Variants in NEMP2 observed in about 807,000 individuals in gnomAD.
NEMP2 encodes the protein nuclear envelope integral membrane protein 2.
In NEMP2, 53 loss-of-function variants were observed where a neutral mutation model predicts 54.2. The ratio of observed to expected loss-of-function variants is 0.98; its 90% CI spans 0.78 to 1.23. The LOEUF is 1.23. NEMP2 is among the 50% of genes most tolerant of loss of function. NEMP2 has a pLI of 0.00. For synonymous variants in NEMP2, 197 were observed against 190.3 expected (o/e 1.04, Z -0.29); for missense variants, 455 against 511.3 (o/e 0.89, Z 1.06).
In NEMP2 at chr2:190,523,337, C is replaced by G. The variant is rs192190708; in HGVS notation, c.213+1926G>C. Among the ~76,000 whole-genome samples the G allele has an allele frequency of 9.2e-5, 14 of 152,222 alleles. No individual in the cohort carries two copies. The East Asian group carries it at 1.9e-3, about 21-fold the overall frequency. Reference sequence around the variant, plus strand: ...TTTGTAATGGTATGACTTACCAATTCTGTAACTACTTTTAGTGTATTCTGG... The same window carrying G: ...TTTGTAATGGTATGACTTACCAATTGTGTAACTACTTTTAGTGTATTCTGG... On this transcript the variant is annotated intron_variant, in intron 2 of 8. Coordinates refer to ENST00000409150, the MANE Select transcript of NEMP2 (RefSeq NM_001142645.2). The surrounding 1 kb of genome is among the most constrained non-coding windows in gnomAD (Gnocchi z 5.3).
At chr2:190,595,037 T>C in the NEMP2 span, among the ~76,000 whole-genome samples, 1 of 152,248 alleles carries the variant, frequency 6.6e-6, no homozygotes, top group African/African-American at 2.4e-5. This position sits in a 1 kb window ranked among gnomAD's most constrained non-coding sequence, Gnocchi z 4.0. Context: ...AACAGAAAGC[T>C]TGCCGAGTAC....
chr2:190,534,305 G>A, intron 1 of NEMP2: 1 of 1,179,400 alleles, frequency 8.5e-7, no homozygotes, highest in Non-Finnish European at 1.0e-6. Flanking sequence ...GAGGGAATTG[G>A]GCGACTGGAT....
the NEMP2 span, among the ~76,000 whole-genome samples, chr2:190,565,209 A>G: frequency 6.6e-6 from 1 of 152,190 alleles, no homozygotes; most frequent in East Asian, 1.9e-4. Context: ...GAGCATCAGA[A>G]AAACCAAGCC....
chr2:190,451,081 C>T, the NEMP2 span, among the ~76,000 whole-genome samples: 2 of 152,138 alleles, frequency 1.3e-5, no homozygotes, highest in African/African-American at 2.4e-5. The surrounding 1 kb of genome is among the most constrained non-coding windows in gnomAD (Gnocchi z 5.0). Context: ...CTGGTAGGAT[C>T]GTTGAGTAGT....
At chr2:190,629,268 G>A in the NEMP2 span, among the ~76,000 whole-genome samples, 3 of 152,016 alleles carry the variant, frequency 2.0e-5, no homozygotes, top group African/African-American at 4.8e-5. Flanking sequence ...TTACACAAGC[G>A]GTCTTTAAAA....
chr2:190,612,525 A>G, the NEMP2 span, among the ~76,000 whole-genome samples: 109 of 152,322 alleles, frequency 7.2e-4, no homozygotes, highest in Admixed American at 1.2e-3. Context: ...CCTTCATTAT[A>G]TAAAATATCT....
At chr2:190,477,295 C>T in the NEMP2 span, 1 of 984,756 alleles carries the variant, frequency 1.0e-6, no homozygotes. Context: ...GATTTCCCAC[C>T]TCTGGTTCCT....
chr2:190,588,207 C>G, the NEMP2 span, among the ~76,000 whole-genome samples: 1 of 152,032 alleles, frequency 6.6e-6, no homozygotes, highest in South Asian at 2.1e-4. The surrounding 1 kb of genome is among the most constrained non-coding windows in gnomAD (Gnocchi z 5.0). Context: ...GGAACTTTGG[C>G]CTATTTTGGA....
chr2:190,552,258 G>A, the NEMP2 span, among the ~76,000 whole-genome samples: 1 of 152,158 alleles, frequency 6.6e-6, no homozygotes, highest in Admixed American at 6.5e-5. Context: ...CAGGTCTTGT[G>A]GCTGTTTGGT....
At chr2:190,569,065 T>C in the NEMP2 span, among the ~76,000 whole-genome samples, 60 of 152,232 alleles carry the variant, frequency 3.9e-4, 1 homozygote, top group East Asian at 0.011. Flanking sequence ...ACTGAAAGAC[T>C]TGAGCAAGTT....
the NEMP2 span, among the ~76,000 whole-genome samples, chr2:190,597,110 T>C: frequency 1.3e-5 from 2 of 151,778 alleles, no homozygotes; most frequent in Admixed American, 1.3e-4. The surrounding 1 kb of genome is among the most constrained non-coding windows in gnomAD (Gnocchi z 4.7). Context: ...AAAAAATTTT[T>C]CTAATTAGTT....
the NEMP2 span, among the ~76,000 whole-genome samples, chr2:190,573,685 T>C: frequency 1.3e-5 from 2 of 152,354 alleles, no homozygotes; most frequent in East Asian, 3.9e-4. Context: ...TGTCTGTTAT[T>C]GAAACGTAAC....
At chr2:190,500,750 ATAAAGT>A (rs1468835926), downstream of NEMP2, 25 of 153,082 alleles carry the variant, frequency 1.6e-4, no homozygotes, top group African/African-American at 6.0e-4. This position sits in a 1 kb window ranked among gnomAD's most constrained non-coding sequence, Gnocchi z 5.3. Context: ...TTTGTTAAAA[ATAAAGT>A]TAAAAGTTAA....
At chr2:190,632,086 G>T in the NEMP2 span, among the ~76,000 whole-genome samples, 1 of 152,040 alleles carries the variant, frequency 6.6e-6, no homozygotes, top group Non-Finnish European at 1.5e-5. This position sits in a 1 kb window ranked among gnomAD's most constrained non-coding sequence, Gnocchi z 4.8. Flanking sequence ...GAAAAGAAAA[G>T]AAAAAGACAC....
chr2:190,525,152 C>G lies in NEMP2; in HGVS notation c.213+111G>C. 1 of 623,240 alleles carries G rather than the reference C, an allele frequency of 1.6e-6. No homozygotes were observed. The highest frequency in any genetic ancestry group is 2.8e-6 in the Non-Finnish European group (1 of 355,124). The allele number at this position is 623,240 out of a possible 1,614,324, so 38.6% of individuals were successfully genotyped here. On this transcript the variant is annotated intron_variant, in intron 2 of 8. Coordinates refer to ENST00000409150, the MANE Select transcript of NEMP2 (RefSeq NM_001142645.2). The surrounding 1 kb of genome is among the most constrained non-coding windows in gnomAD (Gnocchi z 5.0). ...TCAAGTCAGCTTTCATAGTGATACA[C>G]AGATCTGTGTCATACCAAAAATACT...
At chr2:190,534,778 C>G, upstream of NEMP2, 2 of 677,028 alleles carry the variant, frequency 3.0e-6, no homozygotes, top group Non-Finnish European at 4.2e-6. Flanking sequence ...GCGGGAAAGG[C>G]GGAGACCCCG....
chr2:190,521,836 T>A lies in NEMP2; in HGVS notation c.214-2653A>T, dbSNP rs564699739. Among the ~76,000 whole-genome samples, 1 of 152,302 alleles carries A rather than the reference T, an allele frequency of 6.6e-6. No homozygotes were observed. The highest frequency in any genetic ancestry group is 1.9e-4 in the East Asian group (1 of 5,174). ...CCCTAGGGCTTCCAGGACATCTTCA[T>A]TGTCCCTCCTTTTATTTCTCCTCTG... On this transcript the variant is annotated intron_variant, in intron 2 of 8. Transcript: ENST00000409150. This position sits in a 1 kb window ranked among gnomAD's most constrained non-coding sequence, Gnocchi z 6.2.
the NEMP2 span, among the ~76,000 whole-genome samples, chr2:190,574,888 G>A: frequency 1 from 149,485 of 150,062 alleles, 74,457 homozygotes; most frequent in Middle Eastern, 1. Context: ...AGAGTCTCAC[G>A]CTGTCGCCCA....
the NEMP2 span, among the ~76,000 whole-genome samples, chr2:190,487,040 T>A: frequency 6.6e-6 from 1 of 152,164 alleles, no homozygotes; most frequent in East Asian, 1.9e-4. This position sits in a 1 kb window ranked among gnomAD's most constrained non-coding sequence, Gnocchi z 5.5. Context: ...CTCATTTTTT[T>A]AACTGAACTA....
Sources: allele counts gnomAD v4.1 joint callset (sites outside exome capture counted in the v4.1 genomes callset), GRCh38; gene constraint gnomAD v4.1.1; non-coding constraint Gnocchi (gnomAD v3.1); transcripts MANE v1.5; gene names NCBI Gene and HGNC (gene_info 2026-07-23, HGNC 2026-07-21).